FHOD3: variants seen among roughly 807,000 people sequenced by gnomAD.
FHOD3 encodes the protein formin homology 2 domain containing 3.
In FHOD3, 90 loss-of-function variants were observed where a neutral mutation model predicts 173.0. The ratio of observed to expected loss-of-function variants is 0.52; its 90% confidence interval spans 0.44 to 0.62. FHOD3 has a LOEUF of 0.62. Among genes scored for constraint, FHOD3 ranks in the 20% least tolerant of loss-of-function variants. The probability of loss-of-function intolerance (pLI) is 0.00; values close to 1 mark genes in which losing one functional copy is unlikely to be tolerated. For synonymous variants in FHOD3, 828 were observed against 823.0 expected, an observed-to-expected ratio of 1.01 and a Z score of -0.10; for missense variants, 1,945 against 2,034.7, an observed-to-expected ratio of 0.96 and a Z score of 0.85.
At chr18:36,529,134 T>C (rs1026477109) in intron 5 of FHOD3, among the ~76,000 whole-genome samples, 2 of 152,250 alleles carry the variant, frequency 1.3e-5, no homozygotes, top group Non-Finnish European at 2.9e-5. Context: ...GGATATTGCC[T>C]CTGCAGATGT....
intron 6 of FHOD3, among the ~76,000 whole-genome samples, chr18:36,587,057 G>A (rs1457318153): frequency 1.3e-5 from 2 of 152,144 alleles, no homozygotes; most frequent in Non-Finnish European, 2.9e-5. Flanking sequence ...TCCTCAGTTC[G>A]AGAGAGTGGG....
intron 7 of FHOD3, among the ~76,000 whole-genome samples, chr18:36,601,885 C>T (rs182096332): frequency 1.8e-4 from 27 of 152,264 alleles, no homozygotes; most frequent in Non-Finnish European, 1.0e-4. Flanking sequence ...AATGTGAATG[C>T]GGAGTATCTC....
At chr18:36,764,252 T>C (rs1446244233) in intron 27 of FHOD3, among the ~76,000 whole-genome samples, 5 of 152,138 alleles carry the variant, frequency 3.3e-5, no homozygotes, top group Non-Finnish European at 5.9e-5. Context: ...AACAGTCTCA[T>C]TAAATGGTGA....
chr18:36,437,665 C>CTTTTTTTTTTTTTTTTTTT (rs1555704498), intron 3 of FHOD3, among the ~76,000 whole-genome samples: 23 of 69,458 alleles, frequency 3.3e-4, no homozygotes, highest in African/African-American at 9.9e-4. Context: ...TTCTTTCTTT[C>CTTTTTTTTTTTTTTTTTTT]TTTTTTTTTT....
At chr18:36,421,342 C>T (rs1436775125) in intron 3 of FHOD3, among the ~76,000 whole-genome samples, 1 of 152,158 alleles carries the variant, frequency 6.6e-6, no homozygotes, top group Non-Finnish European at 1.5e-5. Flanking sequence ...CAAGCAGTCA[C>T]CAATGAGGCA....
At chr18:36,675,563 C>A (rs569565748) in intron 14 of FHOD3, among the ~76,000 whole-genome samples, 1 of 152,276 alleles carries the variant, frequency 6.6e-6, no homozygotes, top group Admixed American at 6.5e-5. Flanking sequence ...GGATAGCCTG[C>A]CTTTTGATGG....
At chr18:36,488,543 T>G (rs2054304958) in intron 3 of FHOD3, among the ~76,000 whole-genome samples, 2 of 152,152 alleles carry the variant, frequency 1.3e-5, no homozygotes, top group South Asian at 4.1e-4. Context: ...ACTGGACTAT[T>G]CACTGTATGG....
chr18:36,602,532 A>C, intron 7 of FHOD3, 142 bp from the exon 8 acceptor site: 1 of 707,134 alleles, frequency 1.4e-6, no homozygotes, highest in Non-Finnish European at 2.6e-6. Context: ...AATCCATCCT[A>C]AGGATAATGT....
At chr18:36,561,873 TG>T (rs1430494300) in intron 5 of FHOD3, among the ~76,000 whole-genome samples, 1 of 152,168 alleles carries the variant, frequency 6.6e-6, no homozygotes, top group Non-Finnish European at 1.5e-5. Context: ...AAAACCAATA[TG>T]ATTAAAAATA....
intron 3 of FHOD3, among the ~76,000 whole-genome samples, chr18:36,437,315 C>T (rs1266518840): frequency 6.6e-6 from 1 of 152,134 alleles, no homozygotes; most frequent in Non-Finnish European, 1.5e-5. Context: ...TGGGGTTTCA[C>T]CATGCCTGGC....
intron 1 of FHOD3, among the ~76,000 whole-genome samples, chr18:36,335,363 C>T (rs554982970): frequency 2.2e-3 from 333 of 151,646 alleles, no homozygotes; most frequent in African/African-American, 7.1e-3. Flanking sequence ...GGCGTGGTAG[C>T]GGGCGCCTGT....
At chr18:36,773,521 C>T (rs2043488969) in intron 28 of FHOD3, among the ~76,000 whole-genome samples, 2 of 152,202 alleles carry the variant, frequency 1.3e-5, no homozygotes, top group South Asian at 4.1e-4. Context: ...GCCTGGGTCT[C>T]ACGAGTGACT....
chr18:36,563,731 G>A (rs1028284895), intron 5 of FHOD3, among the ~76,000 whole-genome samples: 1 of 152,044 alleles, frequency 6.6e-6, no homozygotes, highest in South Asian at 2.1e-4. Flanking sequence ...GAACTATTCT[G>A]GTATCTTTTC....
intron 3 of FHOD3, among the ~76,000 whole-genome samples, chr18:36,461,996 G>T (rs2052583560): frequency 6.6e-6 from 1 of 152,206 alleles, no homozygotes; most frequent in Admixed American, 6.5e-5. Context: ...TCAGGTCTAA[G>T]AACATAGTAT....
Position 36,693,311 on chromosome 18 carries a change from G to T in FHOD3, c.2124G>T (p.Ser708=), listed in dbSNP as rs566819168. The T allele has an allele frequency of 6.2e-7, 1 of 1,613,806 alleles. No homozygotes were observed. The highest frequency in any genetic ancestry group is 8.5e-7 in the Non-Finnish European group (1 of 1,179,832). ...CCGACCTCTCCTTGGACCTGACCTC[G>T]CCAGCAGCCCCAGCCTGCCTGGCTC... ...GRADLSLDLT[S]PAAPACLAPL... is the part of the protein sequence containing the mutation. Residue 708 remains serine (S), a synonymous_variant, in exon 17 of 29, where the codon TCG becomes TCT. Transcript: ENST00000590592.
chr18:36,374,276 C>T (rs2146128894), intron 3 of FHOD3, among the ~76,000 whole-genome samples: 1 of 152,266 alleles, frequency 6.6e-6, no homozygotes, highest in East Asian at 1.9e-4. Flanking sequence ...TGTGTGACAT[C>T]TTATCCTGTG....
intron 14 of FHOD3, among the ~76,000 whole-genome samples, chr18:36,677,514 C>T (rs575676295): frequency 6.6e-6 from 1 of 152,298 alleles, no homozygotes; most frequent in Non-Finnish European, 1.5e-5. Flanking sequence ...ATCACTTCCC[C>T]ACAGATGTGT....
At chr18:36,613,317 A>G (rs993395768) in intron 9 of FHOD3, among the ~76,000 whole-genome samples, 1 of 152,232 alleles carries the variant, frequency 6.6e-6, no homozygotes, top group Non-Finnish European at 1.5e-5. Context: ...GCTTTGGGCT[A>G]CATATCAGGG....
rs144778984 is a variant in FHOD3, at chr18:36,455,728, T to C, written c.338-46204T>C. On this transcript the variant is annotated intron_variant, in intron 3 of 28. Transcript: ENST00000590592. ...GGCTCTGAGGTGAGTTAACCGTCATTGGAGCATACATTTCAGTCTTTACTG... is the reference window on the plus strand; with the variant it reads ...GGCTCTGAGGTGAGTTAACCGTCATCGGAGCATACATTTCAGTCTTTACTG... Among the ~76,000 whole-genome samples, 133 of 152,294 alleles carry C rather than the reference T, an allele frequency of 8.7e-4. 1 individual carries two copies. Among genetic ancestry groups the C allele is most frequent in the African/African-American group, 3.1e-3 (128 of 41,538 alleles).
Sources: allele counts gnomAD v4.1 joint callset (sites outside exome capture counted in the v4.1 genomes callset), GRCh38; gene constraint gnomAD v4.1.1; transcripts MANE v1.5; gene names NCBI Gene and HGNC (gene_info 2026-07-23, HGNC 2026-07-21).